The following WTIP variants were observed in gnomAD, a reference collection of about 807,000 sequenced individuals.
WTIP encodes Wilms tumor protein 1-interacting protein.
In WTIP, 23 loss-of-function variants were observed where a neutral mutation model predicts 41.7. The ratio of observed to expected loss-of-function variants is 0.55; its 90% CI spans 0.40 to 0.78. The LOEUF is 0.78. Among genes scored for constraint, WTIP ranks in the 30% least tolerant of loss-of-function variants. The pLI, the probability that WTIP is intolerant of heterozygous loss-of-function variation, is 0.00. For synonymous variants in WTIP, 314 were observed against 269.9 expected, an observed-to-expected ratio of 1.16 and a Z score of -1.60; for missense variants, 619 against 610.5, an observed-to-expected ratio of 1.01 and a Z score of -0.15.
At position 34,511,390 on chromosome 19, in the gene WTIP, C is replaced by T. The variant is rs1334453448; in HGVS notation, c.*11121C>T. 4 of 152,066 alleles carry T rather than the reference C, an allele frequency of 2.6e-5. No homozygotes were observed. Among genetic ancestry groups the T allele is most frequent in the South Asian group, 2.1e-4 (1 of 4,816 alleles). The allele number at this position is 152,066 out of a possible 1,614,324, so 9.4% of individuals were successfully genotyped here. On this transcript the variant is annotated 3_prime_UTR_variant, in exon 8 of 8. Coordinates refer to ENST00000590071, the MANE Select transcript of WTIP (RefSeq NM_001080436.2). ...TTCCCATTGGGTCCCTCCCACAACA[C>T]GTGAGAATTATGGGAGTACAATTCA...
chr19:34,500,727 G>C lies in WTIP; in HGVS notation c.*458G>C, dbSNP rs2075881292. On this transcript the variant is annotated 3_prime_UTR_variant, in exon 8 of 8. Transcript: ENST00000590071. ...GAAGGCGGGGCTGGCGGGGACATGG[G>C]TGTTCCTGCATCTCCTAGCGCAGTT... is the stretch of plus-strand genomic sequence containing the variant. 1 of 160,354 alleles carries C rather than the reference G, an allele frequency of 6.2e-6. No homozygotes were observed. The highest frequency in any genetic ancestry group is 2.4e-5 in the African/African-American group (1 of 41,834). The allele number at this position is 160,354 out of a possible 1,614,324, so 9.9% of individuals were successfully genotyped here. A position where few individuals can be genotyped will look rare whatever the true frequency, so the allele number is the denominator to read the frequency against.
intron 1 of WTIP, among the ~76,000 whole-genome samples, chr19:34,483,880 A>G (rs1275454324): frequency 6.7e-6 from 1 of 148,560 alleles, no homozygotes; most frequent in African/African-American, 2.5e-5. Flanking sequence ...TTGAGCGTTC[A>G]ATGGTGTCAG....
chr19:34,504,984 GA>G lies in WTIP; in HGVS notation c.*4716del, dbSNP rs1368041285. The G allele has an allele frequency of 6.6e-6, 1 of 152,654 alleles. No homozygotes were observed. Among genetic ancestry groups the G allele is most frequent in the Admixed American group, 6.5e-5 (1 of 15,292 alleles). 9.5% of individuals were successfully genotyped at this position (152,654 alleles called of 1,614,324 possible). On this transcript the variant is annotated 3_prime_UTR_variant, in exon 8 of 8. Transcript: ENST00000590071. ...GTGGGGATCAAGAACAGGTCTGGGA[GA>G]GGGGGGAGCATCAGGGCCACCTGCA...
At position 34,508,931 on chromosome 19, in the gene WTIP, G is replaced by A. The variant is rs576890138; in HGVS notation, c.*8662G>A. On this transcript the variant is annotated 3_prime_UTR_variant, in exon 8 of 8. Coordinates refer to ENST00000590071, the MANE Select transcript of WTIP (RefSeq NM_001080436.2). ...ACATGAAAATTTTCTTCTACAACAC[G>A]ACATACGTTCATTGTGGTACATTTA... The A allele has an allele frequency of 2.0e-5, 3 of 152,294 alleles. No individual in the cohort carries two copies. The highest frequency in any genetic ancestry group is 3.9e-4 in the East Asian group (2 of 5,192). The allele number at this position is 152,294 out of a possible 1,614,324, so 9.4% of individuals were successfully genotyped here.
Position 34,492,668 on chromosome 19 carries a change from G to T in WTIP, c.770-369G>T, listed in dbSNP as rs549649346. ...CACGCCACTGCACTCCAGCCTGGGC[G>T]ACACAGTGATACTCTGTATCAAAAA... On this transcript the variant is annotated intron_variant, in intron 2 of 7. Coordinates refer to ENST00000590071, the MANE Select transcript of WTIP (RefSeq NM_001080436.2). 8.0e-5 allele frequency among the ~76,000 whole-genome samples: 11 copies of T among 137,784 alleles called. No homozygotes were observed. The South Asian group carries it at 2.6e-3, about 33-fold the overall frequency. 90.4% of individuals were successfully genotyped at this position (137,784 alleles called of 152,430 possible).
At chr19:34,492,421 T>G (rs1599957099) in intron 2 of WTIP, among the ~76,000 whole-genome samples, 1 of 148,326 alleles carries the variant, frequency 6.7e-6, no homozygotes, top group Admixed American at 6.7e-5. Context: ...GCTTGGGAGG[T>G]TGAGGCTGCA....
At chr19:34,487,187 C>T (rs1193693656) in intron 1 of WTIP, among the ~76,000 whole-genome samples, 1 of 149,132 alleles carries the variant, frequency 6.7e-6, no homozygotes, top group Non-Finnish European at 1.5e-5. Context: ...TCACTGCAAC[C>T]TCCGCCTCCC....
chr19:34,488,744 TCA>T (rs1442938160), intron 1 of WTIP, among the ~76,000 whole-genome samples: 1 of 151,696 alleles, frequency 6.6e-6, no homozygotes, highest in Non-Finnish European at 1.5e-5. Context: ...GGTTTAAAAA[TCA>T]CACATCCTTG....
At chr19:34,488,532 T>C (rs528189273) in intron 1 of WTIP, among the ~76,000 whole-genome samples, 1 of 151,024 alleles carries the variant, frequency 6.6e-6, no homozygotes, top group South Asian at 2.1e-4. Context: ...TGCCTGGATA[T>C]TTTTAAAAAT....
chr19:34,498,119 G>A (rs1568402342), intron 7 of WTIP, among the ~76,000 whole-genome samples: 1 of 152,168 alleles, frequency 6.6e-6, no homozygotes, highest in Non-Finnish European at 1.5e-5. Flanking sequence ...TGGTGTCACT[G>A]CAGCAGCCCA....
At chr19:34,486,328 T>C (rs2075796943) in intron 1 of WTIP, among the ~76,000 whole-genome samples, 1 of 151,012 alleles carries the variant, frequency 6.6e-6, no homozygotes, top group Admixed American at 6.6e-5. Context: ...ACCACGCAGG[T>C]CTTCCTGTCA....
At position 34,500,024 on chromosome 19, in the gene WTIP, G is replaced by A. The variant is rs553002270; in HGVS notation, c.1153-105G>A. The stretch of plus-strand genomic sequence containing the variant: ...CGGAAGAGTCTTCATGTTGTTTTGC[G>A]GCACCCTGCAGATCTGCCCCTCCCC... On this transcript the variant is annotated intron_variant, in intron 7 of 7. Coordinates refer to ENST00000590071, the MANE Select transcript of WTIP (RefSeq NM_001080436.2). 30 of 1,469,804 alleles carry A rather than the reference G, an allele frequency of 2.0e-5. No homozygotes were observed. In the East Asian group the frequency reaches 4.3e-4, roughly 21 times the overall value. 91.0% of individuals were successfully genotyped at this position (1,469,804 alleles called of 1,614,324 possible).
rs546371995 is a variant in WTIP, at chr19:34,496,733, G to T, written c.1152+962G>T. Among the ~76,000 whole-genome samples the T allele has an allele frequency of 3.3e-5, 5 of 151,934 alleles. No individual in the cohort carries two copies. The East Asian group carries it at 9.7e-4, about 29-fold the overall frequency. On this transcript the variant is annotated intron_variant, in intron 7 of 7. Coordinates refer to ENST00000590071, the MANE Select transcript of WTIP (RefSeq NM_001080436.2). ...CCCCAGCAAAGAGTGAGGGCAGGGG[G>T]AAGAGGGGATGGGATGCTCTCATTT...
At position 34,495,687 on chromosome 19, in the gene WTIP, CCTT is replaced by C. The variant is rs748027366; in HGVS notation, c.1084-13_1084-11del. The C allele has an allele frequency of 4.7e-5, 76 of 1,613,616 alleles. No individual in the cohort carries two copies. The highest frequency in any genetic ancestry group is 2.9e-4 in the East Asian group (13 of 44,892). On this transcript the variant is annotated splice_polypyrimidine_tract_variant and intron_variant, in intron 6 of 7. Transcript: ENST00000590071. ...CCCACATGCTCATCGTGTGTGAACTCCTTCTCTTCCTCCAGGGCTGCGAGACAA... is the reference window on the plus strand; with the variant it reads ...CCCACATGCTCATCGTGTGTGAACTCCTCTTCCTCCAGGGCTGCGAGACAA...
Position 34,500,142 on chromosome 19 carries a change from A to C in WTIP, c.1166A>C (p.Gln389Pro). The part of the protein sequence containing the change: ...ACYHCEDCGL[Q>P]LSGEEGRRCY... ...GTTCTTCCCTAGGACTGCGGGCTGCAGCTGAGCGGGGAGGAGGGACGCCGT... is the reference window on the plus strand; with the variant it reads ...GTTCTTCCCTAGGACTGCGGGCTGCCGCTGAGCGGGGAGGAGGGACGCCGT... Residue 389 changes from glutamine to proline, a missense_variant, in exon 8 of 8, where the codon CAG (glutamine) becomes CCG (proline). Gln to Pro is a moderately conservative substitution (Grantham distance 76). This residue lies in a region of WTIP where 92 missense variants were observed against 82.4 expected (regional missense o/e 1.12). Transcript: ENST00000590071. 1 of 1,600,180 alleles carries C rather than the reference A, an allele frequency of 6.2e-7. No homozygotes were observed. The highest frequency in any genetic ancestry group is 8.5e-7 in the Non-Finnish European group (1 of 1,179,740).
At chr19:34,500,002 A>T (rs2075875859) in intron 7 of WTIP, 127 bp from the exon 8 acceptor site, 1 of 1,360,320 alleles carries the variant, frequency 7.4e-7, no homozygotes. Context: ...CGCCCGGCGG[A>T]AGAGTCTTCA....
intron 1 of WTIP, among the ~76,000 whole-genome samples, chr19:34,486,368 GTTTT>G (rs958334274): frequency 7.6e-6 from 1 of 132,036 alleles, no homozygotes; most frequent in Non-Finnish European, 1.7e-5. Flanking sequence ...TTGTCAGTTT[GTTTT>G]TTTTTTTTTT....
At chr19:34,492,832 T>C (rs1336714209) in intron 2 of WTIP, among the ~76,000 whole-genome samples, 1 of 152,202 alleles carries the variant, frequency 6.6e-6, no homozygotes, top group East Asian at 1.9e-4. Context: ...CCTTTTTAAA[T>C]AACTCTGTCG....
In WTIP at chr19:34,486,661, T is replaced by C. The variant is rs539534739; in HGVS notation, c.668-3715T>C. Among the ~76,000 whole-genome samples, 31 of 151,524 alleles carry C rather than the reference T, an allele frequency of 2.0e-4. No individual in the cohort carries two copies. In the South Asian group the frequency reaches 2.1e-3, roughly 10 times the overall value. ...GATTACAGGCGTGAGCCACCGCGCCTGGCCGCCTTTGTCAGTTTCCTCTCT... is the reference window on the plus strand; with the variant it reads ...GATTACAGGCGTGAGCCACCGCGCCCGGCCGCCTTTGTCAGTTTCCTCTCT... On this transcript the variant is annotated intron_variant, in intron 1 of 7. Coordinates refer to ENST00000590071, the MANE Select transcript of WTIP (RefSeq NM_001080436.2).
Sources: allele counts gnomAD v4.1 joint callset (sites outside exome capture counted in the v4.1 genomes callset), GRCh38; gene constraint gnomAD v4.1.1; regional missense constraint gnomAD v4.1.1; transcripts MANE v1.5; gene names NCBI Gene and HGNC (gene_info 2026-07-23, HGNC 2026-07-21).